Variants in ACTN2 observed in about 807,000 individuals in gnomAD.
The protein encoded by ACTN2 is alpha-actinin-2.
A neutral mutation model predicts 113.8 loss-of-function variants in ACTN2; 39 were observed. The ratio of observed to expected loss-of-function variants is 0.34; its 90% CI spans 0.27 to 0.45. The LOEUF is 0.45. Ranked by LOEUF, ACTN2 falls within the 20% of genes least tolerant of loss-of-function variation. ACTN2 has a pLI of 1.00. For synonymous variants in ACTN2, 429 were observed against 444.1 expected (o/e 0.97, Z 0.43); for missense variants, 992 against 1,177.9 (o/e 0.84, Z 2.31).
chr1:236,691,132 C>T (rs939517673), intron 1 of ACTN2, among the ~76,000 whole-genome samples: 12 of 151,442 alleles, frequency 7.9e-5, no homozygotes, highest in Non-Finnish European at 1.6e-4. Flanking sequence ...TTAGTAGAGA[C>T]GGGATTTCAC....
intron 13 of ACTN2, chr1:236,748,192 CTTAT>C (rs892725634): frequency 4.0e-6 from 1 of 248,906 alleles, no homozygotes; most frequent in Non-Finnish European, 7.9e-6. Flanking sequence ...CGAATTTGGC[CTTAT>C]TTAAGTGTAA....
At chr1:236,725,855 C>G in intron 4 of ACTN2, 78 bp from the exon 5 acceptor site, 14 of 1,331,276 alleles carry the variant, frequency 1.1e-5, no homozygotes, top group Non-Finnish European at 1.5e-5. Context: ...CCTGGGAGGT[C>G]TGTTTCAAAA....
intron 1 of ACTN2, 86 bp downstream of exon 1, chr1:236,686,885 A>G: frequency 1.6e-6 from 2 of 1,282,608 alleles, no homozygotes; most frequent in Non-Finnish European, 2.0e-6. Context: ...TGGCCTGGCG[A>G]CTGGCGAGAG....
Position 236,737,297 on chromosome 1 carries a change from G to GTATTTATATATATATA in ACTN2, c.876+83_876+84insTATTTATATATATATA. The GTATTTATATATATATA allele has an allele frequency of 2.4e-4, 77 of 322,122 alleles. 8 individuals carry two copies. The highest frequency in any genetic ancestry group is 8.3e-4 in the Middle Eastern group (1 of 1,206). The allele number at this position is 322,122 out of a possible 1,614,324, so 20.0% of individuals were successfully genotyped here. A position where few individuals can be genotyped will look rare whatever the true frequency, so the allele number is the denominator to read the frequency against. ...GAGGGTGAAAAAATACTCCGTGGGG[G>GTATTTATATATATATA]CATATATATATATATATATATTTTG... On this transcript the variant is annotated intron_variant, in intron 9 of 20. Transcript: ENST00000366578.
intron 4 of ACTN2, among the ~76,000 whole-genome samples, chr1:236,722,148 T>G (rs1303884036): frequency 6.6e-6 from 1 of 152,176 alleles, no homozygotes; most frequent in Non-Finnish European, 1.5e-5. Context: ...TAATTTATAT[T>G]TTTATTTGTT....
chr1:236,696,035 A>G (rs1657491221), intron 1 of ACTN2, among the ~76,000 whole-genome samples: 1 of 152,148 alleles, frequency 6.6e-6, no homozygotes, highest in African/African-American at 2.4e-5. Context: ...GGCCAGGCGC[A>G]GAGGCTTAAG....
Position 236,744,598 on chromosome 1 carries a change from T to C in ACTN2, c.1256-28T>C, listed in dbSNP as rs754838810. On this transcript the variant is annotated intron_variant, in intron 11 of 20. Coordinates refer to ENST00000366578, the MANE Select transcript of ACTN2 (RefSeq NM_001103.4). Reference sequence around the variant, plus strand: ...GGAAGCCGCTGTGCCCTCAGCATATTCATACTTTCTTGCTACCACCTTTGC... The same window carrying C: ...GGAAGCCGCTGTGCCCTCAGCATATCCATACTTTCTTGCTACCACCTTTGC... 5.0e-6 allele frequency: 8 copies of C among 1,613,404 alleles called. No individual in the cohort carries two copies. The East Asian group carries it at 1.8e-4, about 36-fold the overall frequency.
At chr1:236,749,075 G>A (rs1172121567) in intron 13 of ACTN2, 49 bp from the exon 14 acceptor site, 1 of 1,607,032 alleles carries the variant, frequency 6.2e-7, no homozygotes, top group South Asian at 1.1e-5. Flanking sequence ...CACTTTCAGT[G>A]AATTTTTTAA....
chr1:236,746,656 T>C (rs1659247884), intron 12 of ACTN2, among the ~76,000 whole-genome samples: 1 of 150,502 alleles, frequency 6.6e-6, no homozygotes, highest in African/African-American at 2.4e-5. Context: ...TAATAACGTA[T>C]GATCACCCCC....
chr1:236,746,165 C>CAAAAAAAAAAAAAAAAAAAAA (rs55953102), intron 12 of ACTN2, among the ~76,000 whole-genome samples: 2 of 80,406 alleles, frequency 2.5e-5, no homozygotes, highest in Non-Finnish European at 5.0e-5. Flanking sequence ...GACTCCATCT[C>CAAAAAAAAAAAAAAAAAAAAA]AAAAAAAAAA....
At chr1:236,757,461 G>A in intron 17 of ACTN2, 25 bp from the exon 18 acceptor site, 1 of 1,613,996 alleles carries the variant, frequency 6.2e-7, no homozygotes, top group Non-Finnish European at 8.5e-7. Flanking sequence ...ACTTAGAACT[G>A]ATCTTTCCCC....
At chr1:236,738,907 C>A (rs991281106) in intron 9 of ACTN2, among the ~76,000 whole-genome samples, 1 of 152,076 alleles carries the variant, frequency 6.6e-6, no homozygotes, top group Non-Finnish European at 1.5e-5. Context: ...AAATCCAGTT[C>A]TTTGCTGAAT....
intron 13 of ACTN2, 39 bp from the exon 14 acceptor site, chr1:236,749,085 A>T (rs2102936249): frequency 6.2e-7 from 1 of 1,611,722 alleles, no homozygotes; most frequent in Middle Eastern, 1.7e-4. Context: ...GAATTTTTTA[A>T]TTAGTCTATG....
In ACTN2 at chr1:236,720,309, T is replaced by A. The variant is rs575251810; in HGVS notation, c.448+118T>A. 54 of 828,212 alleles carry A rather than the reference T, an allele frequency of 6.5e-5. No individual in the cohort carries two copies. The East Asian group carries it at 1.3e-3, about 20-fold the overall frequency. 51.3% of individuals were successfully genotyped at this position (828,212 alleles called of 1,614,324 possible). ...CTTACATGATTGAATGAGAGACATG[T>A]AAGTGGGTTCTTATAAATTTTGTAT... On this transcript the variant is annotated intron_variant, in intron 4 of 20. Transcript: ENST00000366578.
chr1:236,709,249 TATATATACACAC>T (rs1558227421), intron 1 of ACTN2, among the ~76,000 whole-genome samples: 2 of 89,118 alleles, frequency 2.2e-5, no homozygotes, highest in Admixed American at 1.3e-4. Context: ...TATATATATA[TATATATACACAC>T]ACACACACAC....
chr1:236,720,993 G>A (rs1658366577), intron 4 of ACTN2, among the ~76,000 whole-genome samples: 1 of 128,384 alleles, frequency 7.8e-6, no homozygotes, highest in South Asian at 2.6e-4. Flanking sequence ...CCAGGCCACA[G>A]TAGCCTCTGA....
At chr1:236,749,333 GT>G in intron 14 of ACTN2, 69 bp downstream of exon 14, 1 of 1,592,348 alleles carries the variant, frequency 6.3e-7, no homozygotes, top group South Asian at 1.1e-5. Context: ...TAAGAGTCCT[GT>G]TATTTGGTTT....
chr1:236,755,498 C>T (rs998175604), intron 17 of ACTN2, among the ~76,000 whole-genome samples: 1 of 152,124 alleles, frequency 6.6e-6, no homozygotes, highest in African/African-American at 2.4e-5. Context: ...CAGTTAGGCC[C>T]AAATTGATCT....
chr1:236,694,122 C>G (rs551229928), intron 1 of ACTN2, among the ~76,000 whole-genome samples: 1 of 152,270 alleles, frequency 6.6e-6, no homozygotes, highest in African/African-American at 2.4e-5. Flanking sequence ...GATGCTCTGT[C>G]TCCCCAACAA....
Sources: gnomAD v4.1 joint callset for allele counts (sites outside exome capture counted in the v4.1 genomes callset) on GRCh38, gnomAD v4.1.1 for gene constraint, MANE v1.5 for transcripts, NCBI Gene and HGNC (gene_info 2026-07-23, HGNC 2026-07-21) for gene names.